The following IPO11 variants were observed in gnomAD, a reference collection of about 807,000 sequenced individuals.
IPO11 encodes importin-11.
In IPO11, 66 loss-of-function variants were observed where a neutral mutation model predicts 143.2. That is an observed-to-expected ratio of 0.46 (90% CI 0.38 to 0.57). The LOEUF is 0.57. Ranked by LOEUF, IPO11 falls within the 20% of genes least tolerant of loss-of-function variation. The pLI is 0.00. For synonymous variants in IPO11, 385 were observed against 377.8 expected (o/e 1.02, Z -0.22); for missense variants, 1,026 against 1,141.0 (o/e 0.90, Z 1.45).
At chr5:62,541,958 A>C (rs933254440) in intron 24 of IPO11, among the ~76,000 whole-genome samples, 1 of 152,172 alleles carries the variant, frequency 6.6e-6, no homozygotes, top group African/African-American at 2.4e-5. Context: ...TTTGCCTTTA[A>C]TCCTATCTAC....
Position 62,584,612 on chromosome 5 carries a change from C to CAA in IPO11, c.2583-6940_2583-6939dup, listed in dbSNP as rs56062359. 2.4e-3 allele frequency among the ~76,000 whole-genome samples: 141 copies of CAA among 58,654 alleles called. 5 individuals are homozygous for CAA. The highest frequency in any genetic ancestry group is 9.2e-3 in the African/African-American group (134 of 14,590). 38.5% of individuals were successfully genotyped at this position (58,654 alleles called of 152,430 possible). ...TGGATGACAGAGCAAAACTGTGCCT[C>CAA]AAAAAAAAAAAAAAAAAAAAAAAAA... On this transcript the variant is annotated intron_variant, in intron 27 of 29. Transcript: ENST00000325324.
chr5:62,562,231 T>A (rs1038607345), intron 27 of IPO11: 6 of 152,144 alleles, frequency 3.9e-5, no homozygotes, highest in African/African-American at 1.4e-4. Flanking sequence ...TGGGCCCCTA[T>A]TTTTTTGTAC....
intron 27 of IPO11, among the ~76,000 whole-genome samples, chr5:62,576,761 C>T (rs774459793): frequency 7.9e-5 from 12 of 152,100 alleles, no homozygotes; most frequent in Non-Finnish European, 1.6e-4. Context: ...CCAACCCAGC[C>T]GACAGAGCAA....
At chr5:62,551,200 T>G in intron 25 of IPO11, 23 bp from the exon 26 acceptor site, 1 of 1,264,816 alleles carries the variant, frequency 7.9e-7, no homozygotes, top group Non-Finnish European at 1.1e-6. Flanking sequence ...CAATTTTACA[T>G]GTGTTGTATT....
intron 21 of IPO11, among the ~76,000 whole-genome samples, chr5:62,528,451 A>G (rs1336012295): frequency 6.6e-6 from 1 of 152,216 alleles, no homozygotes; most frequent in Non-Finnish European, 1.5e-5. Context: ...TAAGAGGAGC[A>G]TAGACATGGG....
At chr5:62,610,535 T>C (rs1018259169) in intron 29 of IPO11, among the ~76,000 whole-genome samples, 1 of 152,218 alleles carries the variant, frequency 6.6e-6, no homozygotes, top group African/African-American at 2.4e-5. Context: ...CCAAATTTGG[T>C]TATCATAAGG....
In IPO11 at chr5:62,574,136, T is replaced by G. The variant is rs376703143; in HGVS notation, c.2582+12879T>G. 5.9e-5 allele frequency among the ~76,000 whole-genome samples: 9 copies of G among 152,350 alleles called. No individual in the cohort carries two copies. In the East Asian group the frequency reaches 9.6e-4, roughly 16 times the overall value. ...TGTGCTTTTAACTCCATATGCTAGTTTCTATATTCAATACAGTCTTCATTC... is the reference window on the plus strand; with the variant it reads ...TGTGCTTTTAACTCCATATGCTAGTGTCTATATTCAATACAGTCTTCATTC... On this transcript the variant is annotated intron_variant, in intron 27 of 29. Coordinates refer to ENST00000325324, the MANE Select transcript of IPO11 (RefSeq NM_016338.5).
At chr5:62,529,637 A>G (rs1742478336) in intron 21 of IPO11, among the ~76,000 whole-genome samples, 1 of 152,180 alleles carries the variant, frequency 6.6e-6, no homozygotes, top group African/African-American at 2.4e-5. Flanking sequence ...TGTATGTTTG[A>G]ACAATTAAGA....
In IPO11 at chr5:62,474,326, T is replaced by G. The variant is rs1745883172; in HGVS notation, c.709-90T>G. The stretch of plus-strand genomic sequence containing the variant: ...CTTCGGCTAATTTTTTTAAGTGATG[T>G]GATAGATTTGTTTTGGTATCCCTGA... On this transcript the variant is annotated intron_variant, in intron 7 of 29. Coordinates refer to ENST00000325324, the MANE Select transcript of IPO11 (RefSeq NM_016338.5). 9.4e-6 allele frequency: 7 copies of G among 745,178 alleles called. No individual in the cohort carries two copies. The South Asian group carries it at 1.1e-4, about 12-fold the overall frequency. The allele number at this position is 745,178 out of a possible 1,614,324, so 46.2% of individuals were successfully genotyped here.
chr5:62,537,962 T>G (rs185474225), intron 24 of IPO11, among the ~76,000 whole-genome samples: 1 of 152,168 alleles, frequency 6.6e-6, no homozygotes, highest in Non-Finnish European at 1.5e-5. Flanking sequence ...ACACAGCACA[T>G]GTATACATAC....
At chr5:62,595,760 G>T (rs1745189455) in intron 28 of IPO11, among the ~76,000 whole-genome samples, 3 of 151,984 alleles carry the variant, frequency 2.0e-5, no homozygotes, top group Admixed American at 6.6e-5. Context: ...GGTTTGGTTG[G>T]TTTTTGTTTT....
rs1294619269 is a variant in IPO11, at chr5:62,539,547, GC to G, written c.2250+2260del. On this transcript the variant is annotated intron_variant, in intron 24 of 29. Transcript: ENST00000325324. ...GGTTTACTAAAGGGTGAGAATATAA[GC>G]CACTGTTACCAAAGAATCATGTGGG... 2.0e-5 allele frequency among the ~76,000 whole-genome samples: 3 copies of G among 152,252 alleles called. No homozygotes were observed. The South Asian group carries it at 6.2e-4, about 32-fold the overall frequency.
rs1013814610 is a variant in IPO11 at position 62,492,684 on chromosome 5, C to T, written c.1464-1314C>T. ...TCTGCCTCCTGAGCAGCTGGGACCA[C>T]GATGTGTGCCACCATGCCCAGCTAT... On this transcript the variant is annotated intron_variant, in intron 15 of 29. Coordinates refer to ENST00000325324, the MANE Select transcript of IPO11 (RefSeq NM_016338.5). 3.3e-5 allele frequency among the ~76,000 whole-genome samples: 5 copies of T among 152,086 alleles called. No homozygotes were observed. The East Asian group carries it at 5.8e-4, about 18-fold the overall frequency.
Position 62,529,828 on chromosome 5 carries a change from G to T in IPO11, c.2013-881G>T, listed in dbSNP as rs550715912. Among the ~76,000 whole-genome samples the T allele has an allele frequency of 3.3e-5, 5 of 152,202 alleles. No individual in the cohort carries two copies. The East Asian group carries it at 7.7e-4, about 23-fold the overall frequency. ...ACAGTCCTTGTTTTGAGGGTTGGGG[G>T]ATGTGAACAGATAGACCAATCACAC... On this transcript the variant is annotated intron_variant, in intron 21 of 29. Transcript: ENST00000325324.
At chr5:62,557,180 G>T (rs1400711857) in intron 26 of IPO11, among the ~76,000 whole-genome samples, 1 of 151,990 alleles carries the variant, frequency 6.6e-6, no homozygotes, top group East Asian at 1.9e-4. Flanking sequence ...CTCTGGGATG[G>T]TCATGAGCTC....
intron 26 of IPO11, among the ~76,000 whole-genome samples, chr5:62,556,560 G>T (rs551321834): frequency 2.0e-5 from 3 of 152,054 alleles, no homozygotes; most frequent in African/African-American, 7.2e-5. Flanking sequence ...GTAACAAAGC[G>T]AGACTCCATC....
chr5:62,526,393 A>G (rs748208042), intron 21 of IPO11, 136 bp downstream of exon 21: 34 of 603,584 alleles, frequency 5.6e-5, no homozygotes, highest in Non-Finnish European at 9.3e-5. Context: ...ACTGGGGCAT[A>G]TATCTCCTTT....
At chr5:62,499,496 TAC>T (rs1343482924) in intron 16 of IPO11, among the ~76,000 whole-genome samples, 1 of 151,962 alleles carries the variant, frequency 6.6e-6, no homozygotes, top group East Asian at 1.9e-4. Context: ...ATAATCATTG[TAC>T]ACTTAGGCTA....
intron 28 of IPO11, among the ~76,000 whole-genome samples, chr5:62,597,100 G>C (rs1312730650): frequency 6.6e-6 from 1 of 152,104 alleles, no homozygotes; most frequent in East Asian, 1.9e-4. Context: ...TCTAGTGACG[G>C]TAAGAGGATT....
Sources: gnomAD v4.1 joint callset for allele counts (sites outside exome capture counted in the v4.1 genomes callset) on GRCh38, gnomAD v4.1.1 for gene constraint, MANE v1.5 for transcripts, NCBI Gene and HGNC (gene_info 2026-07-23, HGNC 2026-07-21) for gene names.